GALNT13: variants seen among roughly 807,000 people sequenced by gnomAD.
GALNT13 encodes the protein polypeptide N-acetylgalactosaminyltransferase 13.
A neutral mutation model predicts 64.2 loss-of-function variants in GALNT13; 28 were observed. The ratio of observed to expected loss-of-function variants is 0.44; its 90% CI spans 0.32 to 0.60. GALNT13 has a LOEUF of 0.60. Ranked by LOEUF, GALNT13 falls within the 20% of genes least tolerant of loss-of-function variation. The probability of loss-of-function intolerance (pLI) is 0.05; values close to 1 mark genes in which losing one functional copy is unlikely to be tolerated. For missense variants in GALNT13, 577 were observed against 669.8 expected (o/e 0.86, Z 1.53); for synonymous variants, 214 against 224.6 (o/e 0.95, Z 0.42).
At chr2:153,495,715 C>T in the GALNT13 span, among the ~76,000 whole-genome samples, 1 of 152,114 alleles carries the variant, frequency 6.6e-6, no homozygotes. Context: ...ACTAATCTAT[C>T]ATATCAAAAC....
chr2:153,720,162 C>T, the GALNT13 span, among the ~76,000 whole-genome samples: 8 of 145,908 alleles, frequency 5.5e-5, no homozygotes, highest in African/African-American at 1.0e-4. Flanking sequence ...CCCTGACCCC[C>T]GAGCAGCCTA....
At chr2:153,641,693 G>C in the GALNT13 span, among the ~76,000 whole-genome samples, 1 of 152,060 alleles carries the variant, frequency 6.6e-6, no homozygotes, top group Admixed American at 6.6e-5. Flanking sequence ...ATCAGCTTCT[G>C]TTATGCTGAA....
chr2:154,148,216 A>G (rs1176922567), intron 4 of GALNT13, among the ~76,000 whole-genome samples: 3 of 151,678 alleles, frequency 2.0e-5, no homozygotes, highest in African/African-American at 2.4e-5. Context: ...GAGAATGATG[A>G]TTTCCAATTT....
chr2:153,401,127 C>G, the GALNT13 span, among the ~76,000 whole-genome samples: 1 of 152,078 alleles, frequency 6.6e-6, no homozygotes, highest in African/African-American at 2.4e-5. Context: ...TATGTTGTGT[C>G]TTTGTTCTCA....
At chr2:154,117,504 G>GT (rs58529224) in intron 3 of GALNT13, among the ~76,000 whole-genome samples, 27,766 of 152,074 alleles carry the variant, frequency 0.18, 4,656 homozygotes, top group East Asian at 0.74. Context: ...CAACATATGA[G>GT]TGAGAACATA....
At chr2:153,189,523 C>T in the GALNT13 span, among the ~76,000 whole-genome samples, 3 of 152,022 alleles carry the variant, frequency 2.0e-5, no homozygotes, top group Admixed American at 6.6e-5. Context: ...AGATTGATTC[C>T]GTATTTTGGC....
intron 3 of GALNT13, among the ~76,000 whole-genome samples, chr2:153,996,378 G>A (rs1424420699): frequency 1.3e-5 from 2 of 152,080 alleles, no homozygotes; most frequent in African/African-American, 2.4e-5. Context: ...TTCTAACTGG[G>A]ATAAGGTGAT....
intron 9 of GALNT13, among the ~76,000 whole-genome samples, chr2:154,334,339 A>G (rs1695326022): frequency 1.3e-5 from 2 of 152,006 alleles, no homozygotes; most frequent in South Asian, 4.1e-4. Context: ...CTGTAAATTC[A>G]TTATAAATTC....
the GALNT13 span, among the ~76,000 whole-genome samples, chr2:153,503,334 G>A: frequency 7.2e-5 from 11 of 152,150 alleles, no homozygotes; most frequent in African/African-American, 2.7e-4. Flanking sequence ...GTTGAATAGG[G>A]TGCCCTTTCC....
the GALNT13 span, among the ~76,000 whole-genome samples, chr2:153,108,917 T>A: frequency 5.3e-5 from 8 of 151,890 alleles, no homozygotes; most frequent in East Asian, 5.8e-4. Context: ...TATGTGGGAG[T>A]TGCAATTTGG....
chr2:153,128,770 G>A, the GALNT13 span, among the ~76,000 whole-genome samples: 9 of 152,166 alleles, frequency 5.9e-5, no homozygotes, highest in East Asian at 9.7e-4. Flanking sequence ...ACAGTGCCAC[G>A]TGGCTGTGGA....
chr2:154,264,423 C>T (rs1278776107), intron 8 of GALNT13, among the ~76,000 whole-genome samples: 1 of 147,824 alleles, frequency 6.8e-6, no homozygotes, highest in Non-Finnish European at 1.5e-5. Flanking sequence ...GAGTTCAAGA[C>T]CAGCCTAGCC....
chr2:154,094,173 C>T (rs1181647658), intron 3 of GALNT13, among the ~76,000 whole-genome samples: 6 of 151,906 alleles, frequency 3.9e-5, no homozygotes, highest in Non-Finnish European at 5.9e-5. Flanking sequence ...TTGGGCAGCT[C>T]ATTAAAGCCA....
the GALNT13 span, among the ~76,000 whole-genome samples, chr2:153,394,671 T>TAA: frequency 3.3e-5 from 5 of 152,132 alleles, no homozygotes; most frequent in African/African-American, 1.2e-4. Context: ...GTGATAAAGA[T>TAA]AGGTACTGCC....
chr2:153,898,162 G>T (rs1688002737), intron 1 of GALNT13, among the ~76,000 whole-genome samples: 2 of 152,026 alleles, frequency 1.3e-5, no homozygotes, highest in Non-Finnish European at 1.5e-5. Flanking sequence ...TTAGAAATTG[G>T]TGTCTAATTT....
chr2:153,274,766 A>C, the GALNT13 span, among the ~76,000 whole-genome samples: 1 of 152,218 alleles, frequency 6.6e-6, no homozygotes, highest in Non-Finnish European at 1.5e-5. Context: ...AAATACTAAT[A>C]GATCACCTAC....
the GALNT13 span, among the ~76,000 whole-genome samples, chr2:153,751,927 T>C: frequency 6.6e-6 from 1 of 151,864 alleles, no homozygotes; most frequent in Non-Finnish European, 1.5e-5. Context: ...TCCTGTCTTT[T>C]TTTAATAGAG....
At chr2:153,158,973 G>A in the GALNT13 span, 1 of 154,232 alleles carries the variant, frequency 6.5e-6, no homozygotes, top group East Asian at 1.8e-4. Flanking sequence ...TGCTTCCACA[G>A]AAGCCCTCTC....
At chr2:153,931,347 G>A (rs986521349) in intron 2 of GALNT13, among the ~76,000 whole-genome samples, 3 of 150,882 alleles carry the variant, frequency 2.0e-5, no homozygotes, top group South Asian at 2.1e-4. Flanking sequence ...TCTCTCTCTC[G>A]CTTGATTACT....
Sources: gnomAD v4.1 joint callset for allele counts (sites outside exome capture counted in the v4.1 genomes callset) on GRCh38, gnomAD v4.1.1 for gene constraint, MANE v1.5 for transcripts, NCBI Gene and HGNC (gene_info 2026-07-23, HGNC 2026-07-21) for gene names.